Variants in BRD7 observed in about 807,000 individuals in gnomAD.
BRD7 encodes the protein bromodomain containing 7.
A neutral mutation model predicts 82.1 loss-of-function variants in BRD7; 15 were observed. The observed-to-expected ratio is 0.18, with a 90% confidence interval of 0.12 to 0.28. The LOEUF (loss-of-function observed/expected upper bound fraction) is 0.28. BRD7 is among the 10% of genes least tolerant of loss of function. The probability of loss-of-function intolerance (pLI) is 1.00; values close to 1 mark genes in which losing one functional copy is unlikely to be tolerated. For missense variants in BRD7, 638 were observed against 779.9 expected (o/e 0.82, Z 2.17); for synonymous variants, 232 against 266.9 (o/e 0.87, Z 1.27).
At chr16:50,320,595 T>C in intron 14 of BRD7, 68 bp downstream of exon 14, 4 of 1,424,728 alleles carry the variant, frequency 2.8e-6, no homozygotes, top group Non-Finnish European at 3.0e-6. Context: ...AATCTGTACT[T>C]ATGAGACATG....
chr16:50,363,660 T>TGTGTGTGTGC (rs138025982), intron 2 of BRD7, among the ~76,000 whole-genome samples: 3,072 of 102,446 alleles, frequency 0.03, 54 homozygotes, highest in South Asian at 0.095. Context: ...TGTGTGTGTG[T>TGTGTGTGTGC]GCGCGCGCGC....
In BRD7 at chr16:50,326,271, G is replaced by T; in HGVS notation, c.1195+13C>A. On this transcript the variant is annotated intron_variant, in intron 10 of 16. Transcript: ENST00000394688. ...AGAGAAGAGAAAAAATGACTCCTAT[G>T]CAGGAGCCTCACCTGGAGTGACTTT... The T allele has an allele frequency of 6.2e-7, 1 of 1,604,566 alleles. No individual in the cohort carries two copies. The highest frequency in any genetic ancestry group is 8.5e-7 in the Non-Finnish European group (1 of 1,172,370).
intron 4 of BRD7, 83 bp downstream of exon 4, chr16:50,354,342 G>T: frequency 8.6e-7 from 1 of 1,161,738 alleles, no homozygotes; most frequent in Non-Finnish European, 1.3e-6. Context: ...ACGTATGTTT[G>T]GAGTTAGGCA....
intron 6 of BRD7, among the ~76,000 whole-genome samples, chr16:50,335,889 A>C (rs1414346581): frequency 6.6e-6 from 1 of 152,152 alleles, no homozygotes; most frequent in Non-Finnish European, 1.5e-5. Context: ...TTTTTACTGG[A>C]CTTTTAAAGT....
At chr16:50,354,624 G>A in intron 3 of BRD7, 142 bp from the exon 4 acceptor site, 1 of 1,205,296 alleles carries the variant, frequency 8.3e-7, no homozygotes. Flanking sequence ...AAGTTTGAGA[G>A]TATTAATCCA....
At chr16:50,357,578 T>A (rs1160630082) in intron 2 of BRD7, among the ~76,000 whole-genome samples, 1 of 152,050 alleles carries the variant, frequency 6.6e-6, no homozygotes, top group Admixed American at 6.5e-5. Flanking sequence ...AAATGTGACC[T>A]GTGAAGAAAG....
chr16:50,323,886 GTAAAAA>G (rs2037223425), intron 11 of BRD7, among the ~76,000 whole-genome samples, 188 bp from the exon 12 acceptor site: 1 of 152,182 alleles, frequency 6.6e-6, no homozygotes, highest in South Asian at 2.1e-4. Flanking sequence ...GAAGAACACA[GTAAAAA>G]TAAAACGTTC....
intron 5 of BRD7, among the ~76,000 whole-genome samples, chr16:50,343,511 CCTCA>C (rs1333516769): frequency 1.3e-5 from 2 of 152,192 alleles, no homozygotes; most frequent in Non-Finnish European, 2.9e-5. Flanking sequence ...CAGGGAATCA[CCTCA>C]CTCAGGAAGC....
chr16:50,360,981 G>A lies in BRD7; in HGVS notation c.259-6059C>T, dbSNP rs550787373. Among the ~76,000 whole-genome samples the A allele has an allele frequency of 2.0e-5, 3 of 152,322 alleles. No homozygotes were observed. In the East Asian group the frequency reaches 5.8e-4, roughly 29 times the overall value. On this transcript the variant is annotated intron_variant, in intron 2 of 16. Coordinates refer to ENST00000394688, the MANE Select transcript of BRD7 (RefSeq NM_013263.5). ...GGTGTGACAGATGGCACAAGTCAAT[G>A]AACTGTGTTTTGCCAGAATTCTCAC...
intron 4 of BRD7, among the ~76,000 whole-genome samples, chr16:50,353,747 C>T (rs1195175564): frequency 2.3e-5 from 3 of 131,058 alleles, no homozygotes; most frequent in East Asian, 4.6e-4. Context: ...GCGCCCATCA[C>T]CATGCCTGGC....
At position 50,325,739 on chromosome 16, in the gene BRD7, G is replaced by A. The variant is rs188125552; in HGVS notation, c.1331+9C>T. The stretch of plus-strand genomic sequence containing the variant: ...ACAAATGTAATCAGAATATTAACTG[G>A]AAACTCACCTGAAATCACTTGGAAG... On this transcript the variant is annotated intron_variant, in intron 11 of 16. Transcript: ENST00000394688. 1.2e-3 allele frequency: 1,872 copies of A among 1,585,986 alleles called. 6 individuals are homozygous for A. The highest frequency in any genetic ancestry group is 1.5e-3 in the South Asian group (127 of 86,122).
intron 4 of BRD7, among the ~76,000 whole-genome samples, chr16:50,354,151 C>T (rs1030112749): frequency 2.6e-5 from 4 of 152,090 alleles, no homozygotes; most frequent in African/African-American, 9.7e-5. Flanking sequence ...ATTGTTTATT[C>T]CTGGCTTAAA....
At chr16:50,368,051 G>C (rs2039215417) in intron 2 of BRD7, 39 bp downstream of exon 2, 1 of 1,598,804 alleles carries the variant, frequency 6.3e-7, no homozygotes, top group African/African-American at 1.3e-5. Flanking sequence ...GGAAGAGGCA[G>C]TGCCGTCCGC....
intron 5 of BRD7, among the ~76,000 whole-genome samples, chr16:50,343,133 C>T (rs1041962872): frequency 2.0e-5 from 3 of 152,194 alleles, no homozygotes; most frequent in Non-Finnish European, 4.4e-5. Flanking sequence ...TATTTCTGGA[C>T]AAGCCAATTT....
In BRD7 at chr16:50,366,645, A is replaced by G. The variant is rs1158899222; in HGVS notation, c.258+1445T>C. ...GTCAGTAGAAGATATAAACTGCTAA[A>G]TCAGTAAATAGCAATATAAACCTTT... is the stretch of plus-strand genomic sequence containing the variant. On this transcript the variant is annotated intron_variant, in intron 2 of 16. Transcript: ENST00000394688. Among the ~76,000 whole-genome samples, 4 of 152,250 alleles carry G rather than the reference A, an allele frequency of 2.6e-5. No homozygotes were observed. In the East Asian group the frequency reaches 5.8e-4, roughly 22 times the overall value.
At chr16:50,355,605 CA>C (rs2038701885) in intron 2 of BRD7, among the ~76,000 whole-genome samples, 1 of 152,228 alleles carries the variant, frequency 6.6e-6, no homozygotes, top group Admixed American at 6.5e-5. Context: ...AAGTCAATGA[CA>C]AAAGGGTGGT....
At chr16:50,365,141 G>A (rs1276665953) in intron 2 of BRD7, among the ~76,000 whole-genome samples, 4 of 151,614 alleles carry the variant, frequency 2.6e-5, no homozygotes, top group African/African-American at 9.7e-5. Flanking sequence ...CAGGGAACCT[G>A]AGAGTCTCCA....
At chr16:50,330,817 T>C (rs986356777) in intron 8 of BRD7, among the ~76,000 whole-genome samples, 1 of 152,190 alleles carries the variant, frequency 6.6e-6, no homozygotes, top group African/African-American at 2.4e-5. Context: ...CAAAATTCTC[T>C]TCAGTAATTT....
intron 2 of BRD7, among the ~76,000 whole-genome samples, chr16:50,366,906 T>C (rs1260983079): frequency 6.6e-6 from 1 of 152,192 alleles, no homozygotes; most frequent in Non-Finnish European, 1.5e-5. Context: ...TTGCACCACA[T>C]GAACTACTTT....
Sources: gnomAD v4.1 joint callset for allele counts (sites outside exome capture counted in the v4.1 genomes callset) on GRCh38, gnomAD v4.1.1 for gene constraint, MANE v1.5 for transcripts, NCBI Gene and HGNC (gene_info 2026-07-23, HGNC 2026-07-21) for gene names.